CENPF: variants seen among roughly 807,000 people sequenced by gnomAD.
The protein encoded by CENPF is centromere protein F, also known as AH antigen.
In CENPF, 214 loss-of-function variants were observed where a neutral mutation model predicts 307.3. That is an observed-to-expected ratio of 0.70 (90% CI 0.62 to 0.78). The LOEUF (loss-of-function observed/expected upper bound fraction) is 0.78, where lower values mean the gene tolerates loss of function less well. CENPF is among the 30% of genes least tolerant of loss of function. The pLI is 0.00. For missense variants in CENPF, 3,401 were observed against 3,483.9 expected (o/e 0.98, Z 0.60); for synonymous variants, 1,259 against 1,270.6 (o/e 0.99, Z 0.19).
At chr1:214,631,298 A>T (rs143202608) in intron 9 of CENPF, among the ~76,000 whole-genome samples, 3 of 151,938 alleles carry the variant, frequency 2.0e-5, no homozygotes, top group East Asian at 1.9e-4. Flanking sequence ...TTTCTCTTAC[A>T]CTTGAATCTG....
chr1:214,654,924 G>A (rs781610851), intron 16 of CENPF, among the ~76,000 whole-genome samples: 10 of 152,090 alleles, frequency 6.6e-5, no homozygotes, highest in Non-Finnish European at 1.2e-4. Flanking sequence ...GAATATGTTC[G>A]TTGTCTCCCT....
In CENPF at chr1:214,663,825, G is replaced by T. The variant is rs761578351; in HGVS notation, c.*31G>T. The T allele has an allele frequency of 2.5e-6, 4 of 1,579,392 alleles. No homozygotes were observed. In the South Asian group the frequency reaches 3.4e-5, roughly 13 times the overall value. On this transcript the variant is annotated 3_prime_UTR_variant, in exon 20 of 20. Coordinates refer to ENST00000366955, the MANE Select transcript of CENPF (RefSeq NM_016343.4). ...CTTTGTGTGTCAGTACCCCTGGGAG[G>T]TGCCAGTCATTGAATAGATAAGGCT... is the stretch of plus-strand genomic sequence containing the variant.
At chr1:214,623,318 T>C (rs991951916) in intron 7 of CENPF, among the ~76,000 whole-genome samples, 1 of 152,194 alleles carries the variant, frequency 6.6e-6, no homozygotes, top group African/African-American at 2.4e-5. Context: ...ATACATAGTA[T>C]TAGGTATTAT....
At chr1:214,648,459 C>A in intron 13 of CENPF, 1 of 716,436 alleles carries the variant, frequency 1.4e-6, no homozygotes, top group South Asian at 1.4e-5. Context: ...TCCCTTATTA[C>A]TATTCTTCTA....
At chr1:214,639,839 A>C in intron 11 of CENPF, 82 bp from the exon 12 acceptor site, 3 of 784,746 alleles carry the variant, frequency 3.8e-6, no homozygotes, top group Middle Eastern at 4.5e-4. Flanking sequence ...GGATTTTGCC[A>C]GGGGGCGGGG....
chr1:214,645,016 G>A lies in CENPF; in HGVS notation c.5446G>A (p.Val1816Ile), dbSNP rs1558185590. The change falls in exon 13 of 20, where the codon GTA becomes ATA. Residue 1816 changes from valine to isoleucine, a missense_variant. Coordinates refer to ENST00000366955, the MANE Select transcript of CENPF (RefSeq NM_016343.4). Reference protein sequence around the residue: ...ELDSKLHLQEVQLMTKIEACI... With the variant: ...ELDSKLHLQEIQLMTKIEACI... ...AGACTCAAAACTCCATTTACAGGAGGTACAACTAATGACCAAAATTGAAGC... is the reference window on the plus strand; with the variant it reads ...AGACTCAAAACTCCATTTACAGGAGATACAACTAATGACCAAAATTGAAGC... 1.9e-6 allele frequency: 3 copies of A among 1,613,736 alleles called. No individual in the cohort carries two copies. Among genetic ancestry groups the A allele is most frequent in the Admixed American group, 3.3e-5 (2 of 59,958 alleles).
In CENPF at chr1:214,647,409, C is replaced by T; in HGVS notation, c.7830+9C>T. ...TGTCCTTTGTTGAAAAAGTAAGTGG[C>T]TATATCTGTTTATGTTTAAATATGT... On this transcript the variant is annotated intron_variant, in intron 13 of 19. Coordinates refer to ENST00000366955, the MANE Select transcript of CENPF (RefSeq NM_016343.4). 6.3e-7 allele frequency: 1 copy of T among 1,594,910 alleles called. No homozygotes were observed.
In CENPF at chr1:214,642,913, A is replaced by G. The variant is rs1658170718; in HGVS notation, c.4575A>G (p.Glu1525=). The change falls in exon 12 of 20, where the codon GAA becomes GAG. Residue 1525 remains glutamate, a synonymous_variant. Transcript: ENST00000366955. ...AVSANQCSVD[E]VFCSSLQEEN... ...CAGCAAACCAGTGCAGTGTAGATGAAGTATTTTGCAGCAGTCTGCAGGAGG... is the reference window on the plus strand; with the variant it reads ...CAGCAAACCAGTGCAGTGTAGATGAGGTATTTTGCAGCAGTCTGCAGGAGG... The G allele has an allele frequency of 3.1e-6, 5 of 1,613,594 alleles. No individual in the cohort carries two copies. The highest frequency in any genetic ancestry group is 3.3e-5 in the Admixed American group (2 of 59,958).
intron 1 of CENPF, among the ~76,000 whole-genome samples, chr1:214,604,103 G>T (rs543840185): frequency 6.6e-6 from 1 of 152,244 alleles, no homozygotes; most frequent in Admixed American, 6.5e-5. Flanking sequence ...CCCAGCCTTG[G>T]TACAGTGCAC....
rs773886769 is a variant in CENPF at position 214,640,268 on chromosome 1, A to G, written c.1930A>G (p.Ile644Val). Reference sequence around the variant, plus strand: ...AGAAAAGGAAAACTTGCAGAGTAAAATTAATCACTTGGAAACTTGTCTGAA... The same window carrying G: ...AGAAAAGGAAAACTTGCAGAGTAAAGTTAATCACTTGGAAACTTGTCTGAA... Reference protein sequence around the residue: ...ESEKENLQSKINHLETCLKTQ... With the variant: ...ESEKENLQSKVNHLETCLKTQ... Residue 644 changes from isoleucine to valine, a missense_variant, in exon 12 of 20, where the codon ATT becomes GTT. Coordinates refer to ENST00000366955, the MANE Select transcript of CENPF (RefSeq NM_016343.4). 9.9e-6 allele frequency: 16 copies of G among 1,613,740 alleles called. No homozygotes were observed. Among genetic ancestry groups the G allele is most frequent in the East Asian group, 4.5e-5 (2 of 44,890 alleles).
In CENPF at chr1:214,642,858, C is replaced by A. The variant is rs145589304; in HGVS notation, c.4520C>A (p.Ser1507Tyr). ...RALLEQTGDM[S>Y]LLSNLEGAVS... ...CTTTTAGAACAGACAGGAGATATGT[C>A]TCTTTTGAGTAATTTAGAAGGGGCT... Residue 1507 changes from serine to tyrosine, a missense_variant, in exon 12 of 20, where the codon TCT becomes TAT. Physicochemically the swap from Ser to Tyr is moderately radical, Grantham distance 144. Transcript: ENST00000366955. 1 of 1,613,994 alleles carries A rather than the reference C, an allele frequency of 6.2e-7. No individual in the cohort carries two copies. The highest frequency in any genetic ancestry group is 1.7e-5 in the Admixed American group (1 of 60,002).
rs557730909 is a variant in CENPF, at chr1:214,613,507, G to A, written c.-41-207G>A. The A allele has an allele frequency of 1.9e-5, 6 of 314,682 alleles. No individual in the cohort carries two copies. In the South Asian group the frequency reaches 6.4e-4, roughly 33 times the overall value. The allele number at this position is 314,682 out of a possible 1,614,324, so 19.5% of individuals were successfully genotyped here. A position where few individuals can be genotyped will look rare whatever the true frequency, so the allele number is the denominator to read the frequency against. On this transcript the variant is annotated intron_variant, in intron 1 of 19. Coordinates refer to ENST00000366955, the MANE Select transcript of CENPF (RefSeq NM_016343.4). ...GAAATAAGAAAAACAGAAAGCAAAG[G>A]GAAACTAAGCAGGACAGTATGTACT... is the stretch of plus-strand genomic sequence containing the variant.
chr1:214,632,622 A>C lies in CENPF; in HGVS notation c.1446+20A>C, dbSNP rs753847371. On this transcript the variant is annotated intron_variant, in intron 10 of 19. Transcript: ENST00000366955. ...ATGGAGGTAAGGGAGGAGGATGCCG[A>C]ATTTTCTCCACTTATGTAAGAACCA... The C allele has an allele frequency of 2.5e-6, 4 of 1,610,772 alleles. No individual in the cohort carries two copies.
Position 214,646,140 on chromosome 1 carries a change from A to C in CENPF, c.6570A>C (p.Gln2190His). The C allele has an allele frequency of 6.2e-7, 1 of 1,614,068 alleles. No homozygotes were observed. The highest frequency in any genetic ancestry group is 8.5e-7 in the Non-Finnish European group (1 of 1,180,016). ...SKAEVETLKT[Q>H]IEEMARSLKV... ...CAGAAGTAGAGACTCTAAAAACACA[A>C]ATAGAAGAGATGGCCAGAAGCCTGA... The change falls in exon 13 of 20, where the codon CAA becomes CAC. Residue 2190 changes from glutamine to histidine, a missense_variant. By Grantham distance (24) the Gln-to-His change is conservative. Transcript: ENST00000366955.
intron 1 of CENPF, chr1:214,608,717 C>T (rs1447863807): frequency 1.4e-5 from 23 of 1,595,534 alleles, no homozygotes; most frequent in African/African-American, 8.0e-5. Flanking sequence ...GGCCCCGGCT[C>T]GGGCTCAGTC....
At chr1:214,626,227 T>C (rs1260501915) in intron 7 of CENPF, among the ~76,000 whole-genome samples, 2 of 152,232 alleles carry the variant, frequency 1.3e-5, no homozygotes, top group African/African-American at 4.8e-5. Flanking sequence ...TATAGGATTC[T>C]GTGTTGACAG....
Position 214,645,779 on chromosome 1 carries a change from A to G in CENPF, c.6209A>G (p.Lys2070Arg), listed in dbSNP as rs1452310614. ...AATAAAGAGAAAGAATTGCTTGTCA[A>G]GGAATCTGAAAGCCTGCAGGCCAGA... ...QLNKEKELLV[K>R]ESESLQARLS... Residue 2070 changes from lysine (K) to arginine (R), a missense_variant, in exon 13 of 20, where the codon AAG (lysine) becomes AGG (arginine). By Grantham distance (26) the Lys-to-Arg change is conservative (BLOSUM62 2). Transcript: ENST00000366955. The G allele has an allele frequency of 6.2e-6, 10 of 1,614,100 alleles. No homozygotes were observed. The highest frequency in any genetic ancestry group is 8.5e-6 in the Non-Finnish European group (10 of 1,180,038).
In CENPF at chr1:214,652,739, A is replaced by G. The variant is rs186428368; in HGVS notation, c.8161-89A>G. On this transcript the variant is annotated intron_variant, in intron 15 of 19. Transcript: ENST00000366955. Reference sequence around the variant, plus strand: ...ATTACAGGTGTGAAACACTGCGCCCAGCTGTTTTTTGTTTTTCTGACTATT... The same window carrying G: ...ATTACAGGTGTGAAACACTGCGCCCGGCTGTTTTTTGTTTTTCTGACTATT... 6,061 of 1,157,106 alleles carry G rather than the reference A, an allele frequency of 5.2e-3. 29 individuals carry two copies. The highest frequency in any genetic ancestry group is 6.4e-3 in the Non-Finnish European group (5,250 of 826,656). The allele number at this position is 1,157,106 out of a possible 1,614,324, so 71.7% of individuals were successfully genotyped here.
At position 214,628,538 on chromosome 1, in the gene CENPF, G is replaced by T. The variant is rs1051516928; in HGVS notation, c.1069-508G>T. Reference sequence around the variant, plus strand: ...GGCTCACTGCAACCCCTGCCTCCTGGATTTAAGCAATTCTCCTGCCTCAGT... The same window carrying T: ...GGCTCACTGCAACCCCTGCCTCCTGTATTTAAGCAATTCTCCTGCCTCAGT... On this transcript the variant is annotated intron_variant, in intron 7 of 19. Coordinates refer to ENST00000366955, the MANE Select transcript of CENPF (RefSeq NM_016343.4). 1.9e-4 allele frequency among the ~76,000 whole-genome samples: 29 copies of T among 152,146 alleles called. 1 individual carries two copies. Among genetic ancestry groups the T allele is most frequent in the Admixed American group, 1.8e-3 (28 of 15,280 alleles).
Sources: gnomAD v4.1 joint callset for allele counts (sites outside exome capture counted in the v4.1 genomes callset) on GRCh38, gnomAD v4.1.1 for gene constraint, MANE v1.5 for transcripts, NCBI Gene and HGNC (gene_info 2026-07-23, HGNC 2026-07-21) for gene names.